The following MTX2 variants were observed in gnomAD, a reference collection of about 807,000 sequenced individuals.
MTX2 encodes metaxin-2.
MTX2 carries 35 observed loss-of-function variants against 42.3 expected under a neutral mutation model. The ratio of observed to expected loss-of-function variants is 0.83; its 90% confidence interval spans 0.63 to 1.10. MTX2 has a LOEUF of 1.10. Ranked by LOEUF, MTX2 falls within the 50% of genes least tolerant of loss-of-function variation. The pLI, the probability that MTX2 is intolerant of heterozygous loss-of-function variation, is 0.00. For synonymous variants in MTX2, 119 were observed against 100.9 expected, an observed-to-expected ratio of 1.18 and a Z score of -1.08; for missense variants, 307 against 304.1, an observed-to-expected ratio of 1.01 and a Z score of -0.07.
chr2:176,326,781 A>T, intron 4 of MTX2, 44 bp from the exon 5 acceptor site: 1 of 1,201,396 alleles, frequency 8.3e-7, no homozygotes, highest in Non-Finnish European at 1.2e-6. Context: ...AAACTTTAAC[A>T]TACTGGAAGT....
intron 1 of MTX2, among the ~76,000 whole-genome samples, chr2:176,282,133 T>TTTTTTTTTTTG (rs1558925027): frequency 1.5e-5 from 2 of 134,914 alleles, no homozygotes; most frequent in African/African-American, 2.8e-5. Context: ...GTAGTTTTTT[T>TTTTTTTTTTTG]TTTTTTTTTT....
rs1345231577 is a variant in MTX2, at chr2:176,289,041, C to T, written c.41-7819C>T. On this transcript the variant is annotated intron_variant, in intron 1 of 9. Coordinates refer to ENST00000249442, the MANE Select transcript of MTX2 (RefSeq NM_006554.5). ...ATATATAAAGTCTTTAAGAGACTTA[C>T]GGGTATACTTATGTGAATTTATTGG... is the stretch of plus-strand genomic sequence containing the variant. Among the ~76,000 whole-genome samples, 8 of 151,740 alleles carry T rather than the reference C, an allele frequency of 5.3e-5. No homozygotes were observed. The South Asian group carries it at 1.2e-3, about 24-fold the overall frequency.
chr2:176,323,677 C>T (rs1022461771), intron 4 of MTX2, among the ~76,000 whole-genome samples: 6 of 151,540 alleles, frequency 4.0e-5, no homozygotes, highest in Non-Finnish European at 7.4e-5. Flanking sequence ...TGGTTACTGA[C>T]GTGTGGAAAT....
At chr2:176,294,278 C>CTTTT (rs750682515) in intron 1 of MTX2, among the ~76,000 whole-genome samples, 2 of 125,312 alleles carry the variant, frequency 1.6e-5, no homozygotes, top group Non-Finnish European at 3.3e-5. Flanking sequence ...GATGAATTAA[C>CTTTT]TTTTTTTTTT....
intron 3 of MTX2, among the ~76,000 whole-genome samples, chr2:176,302,440 T>C (rs535040437): frequency 1.3e-5 from 2 of 152,172 alleles, no homozygotes; most frequent in East Asian, 3.9e-4. Context: ...GCATTTTGTT[T>C]TGTTTTGTTT....
intron 3 of MTX2, among the ~76,000 whole-genome samples, chr2:176,306,079 G>A (rs1368540767): frequency 6.7e-6 from 1 of 149,352 alleles, no homozygotes; most frequent in Non-Finnish European, 1.5e-5. Context: ...CCCACCCCCT[G>A]ACAGGCCCCA....
chr2:176,295,109 A>G (rs898321219), intron 1 of MTX2, among the ~76,000 whole-genome samples: 57 of 152,204 alleles, frequency 3.7e-4, no homozygotes, highest in African/African-American at 1.3e-3. Context: ...TGCAAATCGT[A>G]GTACAGTGTG....
At chr2:176,333,679 CCA>C (rs1684912840) in intron 9 of MTX2, among the ~76,000 whole-genome samples, 1 of 151,542 alleles carries the variant, frequency 6.6e-6, no homozygotes, top group Non-Finnish European at 1.5e-5. Flanking sequence ...CTGTGATGGA[CCA>C]AATATATGAT....
In MTX2 at chr2:176,337,405, G is replaced by A. The variant is rs1397746731; in HGVS notation, c.621-88G>A. The A allele has an allele frequency of 2.6e-6, 3 of 1,142,322 alleles. No individual in the cohort carries two copies. The African/African-American group carries it at 4.8e-5, about 18-fold the overall frequency. 70.8% of individuals were successfully genotyped at this position (1,142,322 alleles called of 1,614,324 possible). A position where few individuals can be genotyped will look rare whatever the true frequency, so the allele number is the denominator to read the frequency against. On this transcript the variant is annotated intron_variant, in intron 9 of 9. Transcript: ENST00000249442. ...TGAGGTTAGTTGAACCTACGAGTATGGGACCTGTGGGTGAAGAGGGCCAAC... is the reference window on the plus strand; with the variant it reads ...TGAGGTTAGTTGAACCTACGAGTATAGGACCTGTGGGTGAAGAGGGCCAAC...
chr2:176,309,054 C>G (rs1041665929), intron 3 of MTX2, among the ~76,000 whole-genome samples: 1 of 152,206 alleles, frequency 6.6e-6, no homozygotes, highest in African/African-American at 2.4e-5. Context: ...CCTCTACACA[C>G]TGCTTTAAAT....
chr2:176,335,260 G>A (rs902311568), intron 9 of MTX2, among the ~76,000 whole-genome samples: 6 of 152,022 alleles, frequency 3.9e-5, no homozygotes, highest in African/African-American at 1.4e-4. Flanking sequence ...TCCCTAATTG[G>A]CTTGAGTTTG....
intron 9 of MTX2, among the ~76,000 whole-genome samples, chr2:176,332,971 C>T (rs1684896237): frequency 6.6e-6 from 1 of 151,134 alleles, no homozygotes; most frequent in African/African-American, 2.4e-5. Context: ...TACTGAGTGC[C>T]AGAAAAATCT....
intron 1 of MTX2, among the ~76,000 whole-genome samples, chr2:176,284,933 A>C (rs1298606354): frequency 6.6e-6 from 1 of 152,230 alleles, no homozygotes; most frequent in Non-Finnish European, 1.5e-5. Context: ...TCTCTACAGT[A>C]TCAGAACTCC....
chr2:176,302,089 C>G (rs192154058), intron 3 of MTX2, among the ~76,000 whole-genome samples: 1 of 149,400 alleles, frequency 6.7e-6, no homozygotes, highest in Admixed American at 6.7e-5. Flanking sequence ...GAAAGAATTT[C>G]GCTTCATGTA....
intron 1 of MTX2, among the ~76,000 whole-genome samples, chr2:176,292,986 A>G (rs1370461541): frequency 6.6e-6 from 1 of 152,192 alleles, no homozygotes. Flanking sequence ...TATTGTGTGT[A>G]ACAGCATACA....
intron 8 of MTX2, 115 bp downstream of exon 8, chr2:176,329,541 C>T (rs1318142987): frequency 1.4e-5 from 15 of 1,080,490 alleles, no homozygotes; most frequent in Non-Finnish European, 1.9e-5. Flanking sequence ...AAACCATTTC[C>T]TGTGATTTTC....
intron 3 of MTX2, among the ~76,000 whole-genome samples, chr2:176,311,007 G>T (rs956778699): frequency 6.6e-6 from 1 of 152,160 alleles, no homozygotes; most frequent in African/African-American, 2.4e-5. Flanking sequence ...TAGCTTTTCT[G>T]CTCTGGTTTC....
At chr2:176,309,491 GTGT>G (rs1684239719) in intron 3 of MTX2, among the ~76,000 whole-genome samples, 1 of 152,076 alleles carries the variant, frequency 6.6e-6, no homozygotes, top group African/African-American at 2.4e-5. Flanking sequence ...TGACAGTGGG[GTGT>G]TAAAGTATCC....
rs1426026089 is a variant in MTX2, at chr2:176,269,446, C to T, written c.-184C>T. ...CCGTTGTCGGCTGCGCCGGAAGTCC[C>T]TAGCCAGGCCTGGCGGTAACCTTGG... On this transcript the variant is annotated 5_prime_UTR_variant, in exon 1 of 10. Coordinates refer to ENST00000249442, the MANE Select transcript of MTX2 (RefSeq NM_006554.5). 5 of 625,080 alleles carry T rather than the reference C, an allele frequency of 8.0e-6. No individual in the cohort carries two copies. Among genetic ancestry groups the T allele is most frequent in the East Asian group, 3.4e-5 (1 of 29,204 alleles). The allele number at this position is 625,080 out of a possible 1,614,324, so 38.7% of individuals were successfully genotyped here. A position where few individuals can be genotyped will look rare whatever the true frequency, so the allele number is the denominator to read the frequency against.
Sources: gnomAD v4.1 joint callset for allele counts (sites outside exome capture counted in the v4.1 genomes callset) on GRCh38, gnomAD v4.1.1 for gene constraint, MANE v1.5 for transcripts, NCBI Gene and HGNC (gene_info 2026-07-23, HGNC 2026-07-21) for gene names.